SGO2: variants seen among roughly 807,000 people sequenced by gnomAD.
SGO2 encodes shugoshin 2.
SGO2 carries 68 observed loss-of-function variants against 99.5 expected under a neutral mutation model. That is an observed-to-expected ratio of 0.68 (90% confidence interval 0.56 to 0.84). The LOEUF is 0.84. Among genes scored for constraint, SGO2 ranks in the 40% least tolerant of loss-of-function variants. The pLI is 0.00. For missense variants in SGO2, 1,350 were observed against 1,436.7 expected (o/e 0.94, Z 0.97); for synonymous variants, 457 against 487.1 (o/e 0.94, Z 0.81).
At chr2:200,556,939 C>T (rs2032743795) in intron 5 of SGO2, among the ~76,000 whole-genome samples, 1 of 152,122 alleles carries the variant, frequency 6.6e-6, no homozygotes, top group Non-Finnish European at 1.5e-5. Flanking sequence ...AAGACCCACT[C>T]ATTGCAATGA....
At position 200,570,132 on chromosome 2, in the gene SGO2, G is replaced by A. The variant is rs1018172311; in HGVS notation, c.703+240G>A. The A allele has an allele frequency of 4.6e-6, 2 of 438,558 alleles. No individual in the cohort carries two copies. Among genetic ancestry groups the A allele is most frequent in the Non-Finnish European group, 8.0e-6 (2 of 250,142 alleles). 27.2% of individuals were successfully genotyped at this position (438,558 alleles called of 1,614,324 possible). On this transcript the variant is annotated intron_variant, in intron 6 of 8. Coordinates refer to ENST00000357799, the MANE Select transcript of SGO2 (RefSeq NM_152524.6). The surrounding 1 kb of genome is among the most constrained non-coding windows in gnomAD (Gnocchi z 4.4). ...CTGGAAGAAATATTTAGAAATAAAT[G>A]GACCTAATGAGCTTTTCTCAATATC...
At position 200,573,700 on chromosome 2, in the gene SGO2, T is replaced by C; in HGVS notation, c.3354T>C (p.Asn1118=). ...TVSEQADKEN[N]LENEKMVKNK... Reference sequence around the variant, plus strand: ...CTGAACAAGCTGATAAGGAAAACAATTTGGAGAATGAGAAAATGGTCAAAA... The same window carrying C: ...CTGAACAAGCTGATAAGGAAAACAACTTGGAGAATGAGAAAATGGTCAAAA... The change falls in exon 7 of 9, where the codon AAT becomes AAC. Residue 1118 remains asparagine, a synonymous_variant. Coordinates refer to ENST00000357799, the MANE Select transcript of SGO2 (RefSeq NM_152524.6). 1 of 1,612,984 alleles carries C rather than the reference T, an allele frequency of 6.2e-7. No individual in the cohort carries two copies. Among genetic ancestry groups the C allele is most frequent in the African/African-American group, 1.3e-5 (1 of 74,952 alleles).
At chr2:200,548,642 A>C (rs962534378) in intron 5 of SGO2, among the ~76,000 whole-genome samples, 2 of 152,192 alleles carry the variant, frequency 1.3e-5, no homozygotes, top group Non-Finnish European at 2.9e-5. Flanking sequence ...TGATACTAAA[A>C]AAGTATAGAA....
chr2:200,550,977 AAAC>A (rs970378963), intron 5 of SGO2, among the ~76,000 whole-genome samples: 14 of 146,420 alleles, frequency 9.6e-5, no homozygotes, highest in Non-Finnish European at 2.1e-4. Flanking sequence ...TTGGGAGCTT[AAAC>A]AACTAAGTAG....
Position 200,572,926 on chromosome 2 carries a change from T to G in SGO2, c.2580T>G (p.Asn860Lys). ...ETISENLQVT[N>K]EFQTVDLLIK... ...TTTCTGAAAATCTACAAGTCACAAA[T>G]GAATTTCAAACAGTTGATCTTCTCA... The change falls in exon 7 of 9, where the codon AAT (asparagine) becomes AAG (lysine). Residue 860 changes from asparagine to lysine, a missense_variant. Asn to Lys is a moderately conservative substitution (Grantham distance 94). Coordinates refer to ENST00000357799, the MANE Select transcript of SGO2 (RefSeq NM_152524.6). 2 of 1,597,760 alleles carry G rather than the reference T, an allele frequency of 1.3e-6. No individual in the cohort carries two copies. The highest frequency in any genetic ancestry group is 1.7e-4 in the Middle Eastern group (1 of 5,966).
chr2:200,552,983 C>CT (rs1198146979), intron 5 of SGO2, among the ~76,000 whole-genome samples: 1 of 152,038 alleles, frequency 6.6e-6, no homozygotes, highest in Non-Finnish European at 1.5e-5. Context: ...ACCCTTAATG[C>CT]TAAGGGTTGT....
chr2:200,555,768 C>T (rs981163078), intron 5 of SGO2, among the ~76,000 whole-genome samples: 1 of 152,174 alleles, frequency 6.6e-6, no homozygotes, highest in Non-Finnish European at 1.5e-5. Flanking sequence ...CAAAGAATTT[C>T]TGATACCCCT....
intron 5 of SGO2, among the ~76,000 whole-genome samples, chr2:200,557,864 A>C (rs1273369681): frequency 7.7e-6 from 1 of 130,414 alleles, no homozygotes; most frequent in East Asian, 2.2e-4. Flanking sequence ...TGCATTGGCT[A>C]CTTTTTTTTT....
chr2:200,537,527 A>C (rs1272852320), intron 4 of SGO2, among the ~76,000 whole-genome samples: 1 of 152,040 alleles, frequency 6.6e-6, no homozygotes, highest in East Asian at 1.9e-4. Flanking sequence ...TTGACTTCAC[A>C]TGACTTTTAG....
At chr2:200,565,764 T>C (rs1382300377) in intron 5 of SGO2, among the ~76,000 whole-genome samples, 4 of 152,222 alleles carry the variant, frequency 2.6e-5, no homozygotes, top group African/African-American at 9.6e-5. Flanking sequence ...TTCATTTCTT[T>C]ATACTCTTTT....
Position 200,573,781 on chromosome 2 carries a change from T to C in SGO2, c.3435T>C (p.Pro1145=). The part of the protein sequence containing the change: ...AFRSLSEIHS[P]NIQDSSFDSV... ...GATCTTTGTCTGAGATACATTCACCTAACATACAAGATTCTTCCTTTGACA... is the reference window on the plus strand; with the variant it reads ...GATCTTTGTCTGAGATACATTCACCCAACATACAAGATTCTTCCTTTGACA... The change falls in exon 7 of 9, where the codon CCT becomes CCC. Residue 1145 remains proline, a synonymous_variant. Transcript: ENST00000357799. 3 of 1,612,264 alleles carry C rather than the reference T, an allele frequency of 1.9e-6. No homozygotes were observed. Among genetic ancestry groups the C allele is most frequent in the Non-Finnish European group, 2.5e-6 (3 of 1,179,058 alleles).
intron 5 of SGO2, among the ~76,000 whole-genome samples, chr2:200,563,968 G>T (rs1264156019): frequency 1.3e-5 from 2 of 151,834 alleles, no homozygotes; most frequent in Non-Finnish European, 2.9e-5. Context: ...TATTAGTCTT[G>T]CTAGCGGTCT....
chr2:200,566,116 G>A (rs1246029326), intron 5 of SGO2, among the ~76,000 whole-genome samples: 1 of 152,196 alleles, frequency 6.6e-6, no homozygotes, highest in Non-Finnish European at 1.5e-5. Context: ...GGCTGGCAAG[G>A]AGCTGCATTC....
At chr2:200,544,880 A>C (rs2032140302) in intron 5 of SGO2, among the ~76,000 whole-genome samples, 1 of 152,128 alleles carries the variant, frequency 6.6e-6, no homozygotes, top group Non-Finnish European at 1.5e-5. Flanking sequence ...AGCCATTTTG[A>C]GGGATGTATA....
chr2:200,546,612 T>A (rs1470214801), intron 5 of SGO2, among the ~76,000 whole-genome samples: 1 of 151,920 alleles, frequency 6.6e-6, no homozygotes, highest in Non-Finnish European at 1.5e-5. Flanking sequence ...GGAAACTCAG[T>A]GATCTCCAAG....
intron 5 of SGO2, among the ~76,000 whole-genome samples, chr2:200,553,211 A>G (rs1446580849): frequency 6.6e-6 from 1 of 152,222 alleles, no homozygotes; most frequent in Non-Finnish European, 1.5e-5. Flanking sequence ...GGAAGCCCAT[A>G]CTGCATTCCT....
Position 200,571,752 on chromosome 2 carries a change from A to T in SGO2, c.1406A>T (p.Glu469Val), listed in dbSNP as rs2033436578. Reference sequence around the variant, plus strand: ...AATGAACAGCTGGCTCAGGTGAATGAACTAAAGAAAATGACCCTTCAAACT... The same window carrying T: ...AATGAACAGCTGGCTCAGGTGAATGTACTAAAGAAAATGACCCTTCAAACT... ...QMNEQLAQVN[E>V]LKKMTLQTGF... Residue 469 changes from glutamate to valine, a missense_variant, in exon 7 of 9, where the codon GAA becomes GTA. Physicochemically the swap from Glu to Val is moderately radical, Grantham distance 121. Transcript: ENST00000357799. 1.2e-6 allele frequency: 2 copies of T among 1,613,644 alleles called. No homozygotes were observed. The highest frequency in any genetic ancestry group is 8.5e-7 in the Non-Finnish European group (1 of 1,179,714).
rs2031674325 is a variant in SGO2, at chr2:200,536,072, A to G, written c.317A>G (p.Lys106Arg). Residue 106 changes from lysine (K) to arginine (R), a missense_variant, in exon 4 of 9, where the codon AAG becomes AGG. Physicochemically the swap from Lys to Arg is conservative, Grantham distance 26. Transcript: ENST00000357799. ...TTTATTTTACATGTGCAGAATAAGA[A>G]GCTTATAGACATAGAAGCTCTCATG... ...LRLKLNNLNKKLIDIEALMNN... is the reference protein window; with the variant it reads ...LRLKLNNLNKRLIDIEALMNN... 5.7e-6 allele frequency: 9 copies of G among 1,568,686 alleles called. No homozygotes were observed. Among genetic ancestry groups the G allele is most frequent in the Non-Finnish European group, 7.8e-6 (9 of 1,150,990 alleles).
rs368899918 is a variant in SGO2 at position 200,573,715 on chromosome 2, A to T, written c.3369A>T (p.Lys1123Asn). The change falls in exon 7 of 9, where the codon AAA becomes AAT. Residue 1123 changes from lysine to asparagine, a missense_variant. Lys to Asn is a moderately conservative substitution (Grantham distance 94, BLOSUM62 0). Coordinates refer to ENST00000357799, the MANE Select transcript of SGO2 (RefSeq NM_152524.6). ...AGGAAAACAATTTGGAGAATGAGAA[A>T]ATGGTCAAAAATAAGCCAGACTTTT... Reference protein sequence around the residue: ...ADKENNLENEKMVKNKPDFYT... With the variant: ...ADKENNLENENMVKNKPDFYT... The T allele has an allele frequency of 1.9e-6, 3 of 1,612,662 alleles. No homozygotes were observed. In the African/African-American group the frequency reaches 4.0e-5, roughly 22 times the overall value.
Sources: gnomAD v4.1 joint callset for allele counts (sites outside exome capture counted in the v4.1 genomes callset) on GRCh38, gnomAD v4.1.1 for gene constraint, Gnocchi (gnomAD v3.1) non-coding constraint, MANE v1.5 for transcripts, NCBI Gene and HGNC (gene_info 2026-07-23, HGNC 2026-07-21) for gene names.